APOE: variants seen among roughly 807,000 people sequenced by gnomAD.
APOE encodes the protein apolipoprotein E3.
APOE carries 10 observed loss-of-function variants against 13.1 expected under a neutral mutation model. That is an observed-to-expected ratio of 0.76 (90% confidence interval 0.47 to 1.29). The LOEUF (loss-of-function observed/expected upper bound fraction) is 1.29, where lower values mean the gene tolerates loss of function less well. Ranked by LOEUF, APOE falls within the 50% of genes most tolerant of loss-of-function variation. The pLI, the probability that APOE is intolerant of heterozygous loss-of-function variation, is 0.00. For synonymous variants in APOE, 211 were observed against 207.1 expected, an observed-to-expected ratio of 1.02 and a Z score of -0.16; for missense variants, 471 against 459.6, an observed-to-expected ratio of 1.02 and a Z score of -0.23.
chr19:44,906,945 A>T, intron 2 of APOE: 1 of 480,060 alleles, frequency 2.1e-6, no homozygotes, highest in Non-Finnish European at 3.8e-6. Flanking sequence ...CAGTGGCGGG[A>T]TCTCGGCTCA....
chr19:44,906,529 G>A, intron 1 of APOE, 73 bp from the exon 2 acceptor site: 3 of 1,549,176 alleles, frequency 1.9e-6, no homozygotes, highest in Non-Finnish European at 2.7e-6. Context: ...CCTGGGGTGA[G>A]GCCGGGTTGG....
At position 44,908,575 on chromosome 19, in the gene APOE, A is replaced by C. The variant is rs371331933; in HGVS notation, c.279A>C (p.Lys93Asn). The C allele has an allele frequency of 3.1e-6, 5 of 1,613,578 alleles. No homozygotes were observed. The highest frequency in any genetic ancestry group is 4.2e-6 in the Non-Finnish European group (5 of 1,179,612). ...DETMKELKAY[K>N]SELEEQLTPV... Reference sequence around the variant, plus strand: ...CCATGAAGGAGTTGAAGGCCTACAAATCGGAACTGGAGGAACAACTGACCC... The same window carrying C: ...CCATGAAGGAGTTGAAGGCCTACAACTCGGAACTGGAGGAACAACTGACCC... The change falls in exon 4 of 4, where the codon AAA (lysine) becomes AAC (asparagine). Residue 93 changes from lysine (K) to asparagine (N), a missense_variant. Transcript: ENST00000252486.
At position 44,907,816 on chromosome 19, in the gene APOE, C is replaced by T. The variant is rs1969835794; in HGVS notation, c.100C>T (p.Gln34Ter). Residue 34 changes from glutamine (Q) to a stop codon, truncating the protein, a stop_gained, in exon 3 of 4, where the codon CAG becomes TAG. Transcript: ENST00000252486. LOFTEE classifies it high-confidence loss of function. The surrounding 1 kb of genome is among the most constrained non-coding windows in gnomAD (Gnocchi z 4.1). ...GACAGAGCCGGAGCCCGAGCTGCGC[C>T]AGCAGACCGAGTGGCAGAGCGGCCA... ...VETEPEPELR[Q>*]QTEWQSGQRW... The T allele has an allele frequency of 1.2e-6, 2 of 1,613,966 alleles. No homozygotes were observed. Among genetic ancestry groups the T allele is most frequent in the South Asian group, 2.2e-5 (2 of 91,080 alleles).
At position 44,907,667 on chromosome 19, in the gene APOE, G is replaced by A. The variant is rs1969832340; in HGVS notation, c.44-93G>A. ...CCCTGCCCACCATGGCTCCAAAGAA[G>A]CATTTGTGGAGCACCTTCTGTGTGC... is the stretch of plus-strand genomic sequence containing the variant. On this transcript the variant is annotated intron_variant, in intron 2 of 3. Transcript: ENST00000252486. The surrounding 1 kb of genome is among the most constrained non-coding windows in gnomAD (Gnocchi z 4.1). 2 of 1,160,994 alleles carry A rather than the reference G, an allele frequency of 1.7e-6. No individual in the cohort carries two copies. The highest frequency in any genetic ancestry group is 2.0e-5 in the Admixed American group (1 of 50,424). The allele number at this position is 1,160,994 out of a possible 1,614,324, so 71.9% of individuals were successfully genotyped here. A position where few individuals can be genotyped will look rare whatever the true frequency, so the allele number is the denominator to read the frequency against.
Position 44,908,952 on chromosome 19 carries a change from A to G in APOE, c.656A>G (p.Gln219Arg). Reference sequence around the variant, plus strand: ...GCCACTGTGGGCTCCCTGGCCGGCCAGCCGCTACAGGAGCGGGCCCAGGCC... The same window carrying G: ...GCCACTGTGGGCTCCCTGGCCGGCCGGCCGCTACAGGAGCGGGCCCAGGCC... ...RAATVGSLAG[Q>R]PLQERAQAWG... The change falls in exon 4 of 4, where the codon CAG (glutamine) becomes CGG (arginine). Residue 219 changes from glutamine to arginine, a missense_variant. Coordinates refer to ENST00000252486, the MANE Select transcript of APOE (RefSeq NM_000041.4). 1 of 1,517,276 alleles carries G rather than the reference A, an allele frequency of 6.6e-7. No homozygotes were observed. Among genetic ancestry groups the G allele is most frequent in the Non-Finnish European group, 8.8e-7 (1 of 1,138,334 alleles). 94.0% of individuals were successfully genotyped at this position (1,517,276 alleles called of 1,614,324 possible).
intron 1 of APOE, chr19:44,906,351 A>G: frequency 1.9e-6 from 1 of 525,830 alleles, no homozygotes; most frequent in African/African-American, 1.9e-5. Flanking sequence ...GGGGGATGGA[A>G]TTTGAACCCC....
At chr19:44,906,364 G>A (rs1969806637) in intron 1 of APOE, 1 of 580,146 alleles carries the variant, frequency 1.7e-6, no homozygotes, top group Non-Finnish European at 3.1e-6. Context: ...TGAACCCCGG[G>A]AGAGGAAGAT....
At chr19:44,906,278 G>A in intron 1 of APOE, 2 of 449,630 alleles carry the variant, frequency 4.4e-6, no homozygotes, top group South Asian at 2.2e-5. Context: ...AGCTTAGAAT[G>A]TGAAGGGAGA....
chr19:44,908,009 G>T, intron 3 of APOE, 57 bp downstream of exon 3: 1 of 1,546,674 alleles, frequency 6.5e-7, no homozygotes. Flanking sequence ...ACCTCCCCAG[G>T]TCCAGGTTTC....
chr19:44,909,226 C>T lies in APOE; in HGVS notation c.930C>T (p.Ala310=). The change falls in exon 4 of 4, where the codon GCC becomes GCT. Residue 310 remains alanine, a synonymous_variant. Coordinates refer to ENST00000252486, the MANE Select transcript of APOE (RefSeq NM_000041.4). ...KVQAAVGTSA[A]PVPSDNH is the part of the protein sequence containing the mutation. ...AGGCTGCCGTGGGCACCAGCGCCGC[C>T]CCTGTGCCCAGCGACAATCACTGAA... is the stretch of plus-strand genomic sequence containing the variant. 6.3e-7 allele frequency: 1 copy of T among 1,597,092 alleles called. No homozygotes were observed. Among genetic ancestry groups the T allele is most frequent in the Non-Finnish European group, 8.5e-7 (1 of 1,179,204 alleles).
At position 44,907,694 on chromosome 19, in the gene APOE, C is replaced by T. The variant is rs1969832811; in HGVS notation, c.44-66C>T. 7.0e-7 allele frequency: 1 copy of T among 1,437,916 alleles called. No homozygotes were observed. The highest frequency in any genetic ancestry group is 9.5e-7 in the Non-Finnish European group (1 of 1,052,836). 89.1% of individuals were successfully genotyped at this position (1,437,916 alleles called of 1,614,324 possible). On this transcript the variant is annotated intron_variant, in intron 2 of 3. Coordinates refer to ENST00000252486, the MANE Select transcript of APOE (RefSeq NM_000041.4). The surrounding 1 kb of genome is among the most constrained non-coding windows in gnomAD (Gnocchi z 4.1). ...ATTTGTGGAGCACCTTCTGTGTGCC[C>T]CTAGGTACTAGATGCCTGGACGGGG...
Position 44,907,858 on chromosome 19 carries a change from C to T in APOE, c.142C>T (p.Leu48=). The change falls in exon 3 of 4, where the codon CTG becomes TTG. Residue 48 remains leucine (L), a synonymous_variant. Coordinates refer to ENST00000252486, the MANE Select transcript of APOE (RefSeq NM_000041.4). The surrounding 1 kb of genome is among the most constrained non-coding windows in gnomAD (Gnocchi z 4.1). ...GAGCGGCCAGCGCTGGGAACTGGCA[C>T]TGGGTCGCTTTTGGGATTACCTGCG... ...WQSGQRWELA[L]GRFWDYLRWV... The T allele has an allele frequency of 6.2e-7, 1 of 1,614,072 alleles. No homozygotes were observed. The highest frequency in any genetic ancestry group is 8.5e-7 in the Non-Finnish European group (1 of 1,179,952).
Position 44,909,000 on chromosome 19 carries a change from G to T in APOE, c.704G>T (p.Arg235Leu). Residue 235 changes from arginine to leucine, a missense_variant, in exon 4 of 4, where the codon CGG becomes CTG. Physicochemically the swap from Arg to Leu is moderately radical, Grantham distance 102 (BLOSUM62 -2). Coordinates refer to ENST00000252486, the MANE Select transcript of APOE (RefSeq NM_000041.4). ...AQAWGERLRA[R>L]MEEMGSRTRD... is the part of the protein sequence containing the mutation. ...GCCTGGGGCGAGCGGCTGCGCGCGC[G>T]GATGGAGGAGATGGGCAGCCGGACC... The T allele has an allele frequency of 6.5e-7, 1 of 1,535,190 alleles. No homozygotes were observed. The highest frequency in any genetic ancestry group is 8.7e-7 in the Non-Finnish European group (1 of 1,146,376).
At chr19:44,906,990 C>T (rs1969820954) in intron 2 of APOE, 3 of 368,388 alleles carry the variant, frequency 8.1e-6, no homozygotes, top group East Asian at 5.7e-5. Flanking sequence ...ACGCCATTCT[C>T]CTGCCTCAGC....
Position 44,908,536 on chromosome 19 carries a change from G to A in APOE, c.240G>A (p.Ala80=), listed in dbSNP as rs759134820. The A allele has an allele frequency of 1.4e-5, 22 of 1,613,462 alleles. No homozygotes were observed. Among genetic ancestry groups the A allele is most frequent in the East Asian group, 1.3e-4 (6 of 44,862 alleles). Residue 80 remains alanine (A), a synonymous_variant, in exon 4 of 4, where the codon GCG becomes GCA. Coordinates refer to ENST00000252486, the MANE Select transcript of APOE (RefSeq NM_000041.4). ...LSSQVTQELR[A]LMDETMKELK... ...CCTCCCGCCCTCTCGGCCGCAGGGC[G>A]CTGATGGACGAGACCATGAAGGAGT...
rs1969826740 is a variant in APOE at position 44,907,316 on chromosome 19, G to T, written c.44-444G>T. 2 of 269,266 alleles carry T rather than the reference G, an allele frequency of 7.4e-6. No individual in the cohort carries two copies. The highest frequency in any genetic ancestry group is 1.5e-5 in the Non-Finnish European group (2 of 135,972). The allele number at this position is 269,266 out of a possible 1,614,324, so 16.7% of individuals were successfully genotyped here. A position where few individuals can be genotyped will look rare whatever the true frequency, so the allele number is the denominator to read the frequency against. On this transcript the variant is annotated intron_variant, in intron 2 of 3. Coordinates refer to ENST00000252486, the MANE Select transcript of APOE (RefSeq NM_000041.4). The surrounding 1 kb of genome is among the most constrained non-coding windows in gnomAD (Gnocchi z 4.1). The stretch of plus-strand genomic sequence containing the variant: ...AAGGACACTCAATACATGCTTTTCC[G>T]CTGGGCGCGGTGGCTCACCCCTGTA...
rs761988169 is a variant in APOE at position 44,908,578 on chromosome 19, G to C, written c.282G>C (p.Ser94=). Residue 94 remains serine, a synonymous_variant, in exon 4 of 4, where the codon TCG becomes TCC. Coordinates refer to ENST00000252486, the MANE Select transcript of APOE (RefSeq NM_000041.4). ...TGAAGGAGTTGAAGGCCTACAAATC[G>C]GAACTGGAGGAACAACTGACCCCGG... ...ETMKELKAYK[S]ELEEQLTPVA... is the part of the protein sequence containing the mutation. 2 of 1,613,644 alleles carry C rather than the reference G, an allele frequency of 1.2e-6. No individual in the cohort carries two copies. Among genetic ancestry groups the C allele is most frequent in the South Asian group, 2.2e-5 (2 of 91,052 alleles).
Position 44,907,631 on chromosome 19 carries a change from C to T in APOE, c.44-129C>T. On this transcript the variant is annotated intron_variant, in intron 2 of 3. Coordinates refer to ENST00000252486, the MANE Select transcript of APOE (RefSeq NM_000041.4). The surrounding 1 kb of genome is among the most constrained non-coding windows in gnomAD (Gnocchi z 4.1). ...AATGCTTTCCAAGTGATTAAACCGACTCCCCCCTCACCCTGCCCACCATGG... is the reference window on the plus strand; with the variant it reads ...AATGCTTTCCAAGTGATTAAACCGATTCCCCCCTCACCCTGCCCACCATGG... 1.3e-6 allele frequency: 1 copy of T among 784,646 alleles called. No homozygotes were observed. The highest frequency in any genetic ancestry group is 1.5e-5 in the South Asian group (1 of 68,072). 48.6% of individuals were successfully genotyped at this position (784,646 alleles called of 1,614,324 possible). A position where few individuals can be genotyped will look rare whatever the true frequency, so the allele number is the denominator to read the frequency against.
Position 44,909,161 on chromosome 19 carries a change from G to A in APOE, c.865G>A (p.Asp289Asn). The part of the protein sequence containing the change: ...LKSWFEPLVE[D>N]MQRQWAGLVE... ...GAGCTGGTTCGAGCCCCTGGTGGAA[G>A]ACATGCAGCGCCAGTGGGCCGGGCT... Residue 289 changes from aspartate (D) to asparagine (N), a missense_variant, in exon 4 of 4, where the codon GAC (aspartate) becomes AAC (asparagine). Coordinates refer to ENST00000252486, the MANE Select transcript of APOE (RefSeq NM_000041.4). 1.2e-6 allele frequency: 2 copies of A among 1,601,074 alleles called. No homozygotes were observed. Among genetic ancestry groups the A allele is most frequent in the Non-Finnish European group, 1.7e-6 (2 of 1,178,974 alleles).
Sources: allele counts gnomAD v4.1 joint callset, GRCh38; gene constraint gnomAD v4.1.1; non-coding constraint Gnocchi (gnomAD v3.1); transcripts MANE v1.5; gene names NCBI Gene and HGNC (gene_info 2026-07-23, HGNC 2026-07-21).